The following RBFOX1 variants were observed in gnomAD, a reference collection of about 807,000 sequenced individuals.
The protein encoded by RBFOX1 is RNA binding protein fox-1 homolog 1.
RBFOX1 carries 8 observed loss-of-function variants against 57.7 expected under a neutral mutation model. The ratio of observed to expected loss-of-function variants is 0.14; its 90% CI spans 0.08 to 0.25. The LOEUF is 0.25. Ranked by LOEUF, RBFOX1 falls within the 10% of genes least tolerant of loss-of-function variation. The pLI is 1.00. For missense variants in RBFOX1, 611 were observed against 548.5 expected (o/e 1.11, Z -1.14); for synonymous variants, 326 against 222.4 (o/e 1.47, Z -4.15).
chr16:6,281,900 C>G (rs948468214), intron 1 of RBFOX1, among the ~76,000 whole-genome samples: 2 of 152,094 alleles, frequency 1.3e-5, no homozygotes, highest in African/African-American at 4.8e-5. Flanking sequence ...AAGGCTACCC[C>G]ACTGCCCGCC....
intron 4 of RBFOX1, among the ~76,000 whole-genome samples, chr16:7,213,678 C>T (rs995225712): frequency 3.3e-5 from 5 of 152,080 alleles, no homozygotes; most frequent in African/African-American, 4.8e-5. Flanking sequence ...TCCTAACAGC[C>T]CTGATATTGT....
At chr16:6,852,444 G>C (rs1447358379) in intron 3 of RBFOX1, among the ~76,000 whole-genome samples, 2 of 152,202 alleles carry the variant, frequency 1.3e-5, no homozygotes, top group African/African-American at 4.8e-5. Flanking sequence ...TTTTTGACCT[G>C]AGATATCTGA....
intron 4 of RBFOX1, among the ~76,000 whole-genome samples, chr16:7,188,501 G>A (rs942173867): frequency 6.6e-6 from 1 of 152,178 alleles, no homozygotes; most frequent in Admixed American, 6.5e-5. Context: ...ATGCAGAAAG[G>A]AAATGTTTTG....
At chr16:7,356,884 C>G (rs984573357) in intron 4 of RBFOX1, among the ~76,000 whole-genome samples, 3 of 152,098 alleles carry the variant, frequency 2.0e-5, no homozygotes, top group Non-Finnish European at 2.9e-5. Flanking sequence ...AGCTTATAAC[C>G]AAAGCATGGC....
Position 5,616,386 on chromosome 16 carries a change from C to T in RBFOX1, c.318+17425C>T, listed in dbSNP as rs531390080. Among the ~76,000 whole-genome samples the T allele has an allele frequency of 8.5e-5, 13 of 152,284 alleles. No individual in the cohort carries two copies. In the East Asian group the frequency reaches 2.3e-3, roughly 27 times the overall value. ...CCAGCTTGTCTGCGGTGCTGGCCAGCGAGGTCCAGGCGCTGCTCCTGAGAG... is the reference window on the plus strand; with the variant it reads ...CCAGCTTGTCTGCGGTGCTGGCCAGTGAGGTCCAGGCGCTGCTCCTGAGAG... On this transcript the variant is annotated intron_variant, in intron 3 of 19. Transcript: ENST00000641259.
intron 1 of RBFOX1, among the ~76,000 whole-genome samples, chr16:6,177,354 A>G (rs77748467): frequency 0.024 from 3,710 of 152,078 alleles, 157 homozygotes; most frequent in African/African-American, 0.084. Flanking sequence ...GTCTGTAATA[A>G]TGTATCAGTT....
At chr16:5,756,318 A>G (rs1364645769) in intron 3 of RBFOX1, among the ~76,000 whole-genome samples, 1 of 151,934 alleles carries the variant, frequency 6.6e-6, no homozygotes, top group African/African-American at 2.4e-5. Context: ...GTGATAATTA[A>G]TAGGAAAAGG....
rs117560964 is a variant in RBFOX1, at chr16:6,703,182, C to G, written c.-16+48532C>G. 3.3e-5 allele frequency among the ~76,000 whole-genome samples: 5 copies of G among 152,210 alleles called. No individual in the cohort carries two copies. In the East Asian group the frequency reaches 7.7e-4, roughly 23 times the overall value. On this transcript the variant is annotated intron_variant, in intron 3 of 15. Coordinates refer to ENST00000550418, the MANE Select transcript of RBFOX1 (RefSeq NM_018723.4). ...TTTTGTTCATTTCTCTGTTGATAGA[C>G]ATTTGGGTTGTTTCCACCTGTTGGC...
rs34468596 is a variant in RBFOX1 at position 7,610,118 on chromosome 16, C to CTTTTTTTTTTTTTTTTTTTTTTTT, written c.676+2801_676+2802insTTTTTTTTTTTTTTTTTTTTTTTT. ...GGTGTGAGCCACTGCGCCCGGCCCCCTTTTTTTTTTTTTTTTTTTTTGAGG... is the reference window on the plus strand; with the variant it reads ...GGTGTGAGCCACTGCGCCCGGCCCCCTTTTTTTTTTTTTTTTTTTTTTTTTTTTTTTTTTTTTTTTTTTTTGAGG... On this transcript the variant is annotated intron_variant, in intron 10 of 15. Coordinates refer to ENST00000550418, the MANE Select transcript of RBFOX1 (RefSeq NM_018723.4). Among the ~76,000 whole-genome samples, 14 of 65,614 alleles carry CTTTTTTTTTTTTTTTTTTTTTTTT rather than the reference C, an allele frequency of 2.1e-4. 5 individuals carry two copies. Among genetic ancestry groups the CTTTTTTTTTTTTTTTTTTTTTTTT allele is most frequent in the African/African-American group, 5.6e-4 (7 of 12,430 alleles). 43.0% of individuals were successfully genotyped at this position (65,614 alleles called of 152,430 possible).
chr16:7,129,220 A>T (rs1016305895), intron 4 of RBFOX1, among the ~76,000 whole-genome samples: 2 of 152,072 alleles, frequency 1.3e-5, no homozygotes. Flanking sequence ...AATGTTCTTT[A>T]TATAGTTTTT....
intron 1 of RBFOX1, among the ~76,000 whole-genome samples, chr16:6,072,940 AC>A (rs1192512156): frequency 6.6e-6 from 1 of 152,194 alleles, no homozygotes; most frequent in Admixed American, 6.5e-5. Flanking sequence ...CAAATTGTAT[AC>A]GTTAAATATG....
intron 3 of RBFOX1, among the ~76,000 whole-genome samples, chr16:6,898,492 A>C (rs1289394288): frequency 6.6e-6 from 1 of 152,196 alleles, no homozygotes; most frequent in Non-Finnish European, 1.5e-5. Context: ...GTCCATAGTA[A>C]AGATTTATTG....
intron 1 of RBFOX1, among the ~76,000 whole-genome samples, chr16:6,291,949 A>ATGTG (rs112285049): frequency 0.15 from 22,206 of 149,432 alleles, 1,738 homozygotes; most frequent in Non-Finnish European, 0.16. Flanking sequence ...GTTGGAATGA[A>ATGTG]TGTGTGTGTG....
intron 3 of RBFOX1, among the ~76,000 whole-genome samples, chr16:6,951,206 C>G (rs1485708868): frequency 6.6e-6 from 1 of 152,122 alleles, no homozygotes; most frequent in Non-Finnish European, 1.5e-5. Context: ...CAGGCCCTGC[C>G]TAACTTTTTT....
At chr16:7,554,053 G>A (rs899961921) in intron 5 of RBFOX1, among the ~76,000 whole-genome samples, 4 of 152,226 alleles carry the variant, frequency 2.6e-5, no homozygotes, top group East Asian at 3.9e-4. Flanking sequence ...AGGCTGCAGC[G>A]AACTATGATC....
At chr16:7,199,909 AAACAAC>A (rs146515780) in intron 4 of RBFOX1, among the ~76,000 whole-genome samples, 4,340 of 151,916 alleles carry the variant, frequency 0.029, 171 homozygotes, top group African/African-American at 0.089. Context: ...AAACAAAACA[AAACAAC>A]AACAACAACA....
At chr16:6,688,356 C>T (rs991450609) in intron 3 of RBFOX1, among the ~76,000 whole-genome samples, 1 of 152,146 alleles carries the variant, frequency 6.6e-6, no homozygotes, top group Non-Finnish European at 1.5e-5. Context: ...GATTCAATCA[C>T]CTCTCATCAG....
At chr16:6,217,943 G>C (rs2097346778) in intron 1 of RBFOX1, among the ~76,000 whole-genome samples, 1 of 152,208 alleles carries the variant, frequency 6.6e-6, no homozygotes, top group Non-Finnish European at 1.5e-5. Context: ...TTAAACCGGG[G>C]AGGTGGAGGT....
chr16:7,176,758 G>C (rs2081742416), intron 4 of RBFOX1, among the ~76,000 whole-genome samples: 1 of 152,014 alleles, frequency 6.6e-6, no homozygotes, highest in African/African-American at 2.4e-5. Flanking sequence ...GTCAAGGTAA[G>C]ACAGACACGA....
Sources: allele counts gnomAD v4.1 joint callset (sites outside exome capture counted in the v4.1 genomes callset), GRCh38; gene constraint gnomAD v4.1.1; transcripts MANE v1.5; gene names NCBI Gene and HGNC (gene_info 2026-07-23, HGNC 2026-07-21).